The following DCC variants were observed in gnomAD, a reference collection of about 807,000 sequenced individuals.
DCC encodes netrin receptor DCC.
DCC carries 58 observed loss-of-function variants against 172.5 expected under a neutral mutation model. The ratio of observed to expected loss-of-function variants is 0.34; its 90% CI spans 0.27 to 0.42. The LOEUF is 0.42. Among genes scored for constraint, DCC ranks in the 10% least tolerant of loss-of-function variants. DCC has a pLI of 1.00. For missense variants in DCC, 1,740 were observed against 1,791.0 expected, an observed-to-expected ratio of 0.97 and a Z score of 0.51; for synonymous variants, 709 against 644.5, an observed-to-expected ratio of 1.10 and a Z score of -1.52.
At chr18:52,783,348 T>A (rs1297103676) in intron 2 of DCC, among the ~76,000 whole-genome samples, 10 of 115,378 alleles carry the variant, frequency 8.7e-5, no homozygotes, top group Non-Finnish European at 1.7e-4. Flanking sequence ...TTTTTTTTTT[T>A]TTTTTTTTTT....
At chr18:53,403,543 C>G (rs571734873) in intron 19 of DCC, among the ~76,000 whole-genome samples, 49 of 152,202 alleles carry the variant, frequency 3.2e-4, no homozygotes, top group Non-Finnish European at 1.6e-4. Flanking sequence ...TAATGGAGTT[C>G]TATCAGAGAT....
At chr18:52,792,357 T>C (rs1001707774) in intron 2 of DCC, among the ~76,000 whole-genome samples, 3 of 152,218 alleles carry the variant, frequency 2.0e-5, no homozygotes, top group African/African-American at 4.8e-5. Flanking sequence ...AGAGATGTGA[T>C]GGTCATGGAC....
chr18:52,668,553 T>C (rs1420566551), intron 1 of DCC, among the ~76,000 whole-genome samples: 1 of 152,178 alleles, frequency 6.6e-6, no homozygotes, highest in Admixed American at 6.5e-5. Flanking sequence ...AAAGAATAAA[T>C]ATCAAAATGT....
intron 2 of DCC, among the ~76,000 whole-genome samples, chr18:52,814,112 G>T (rs60347763): frequency 4.1e-4 from 62 of 152,316 alleles, no homozygotes; most frequent in African/African-American, 1.4e-3. Context: ...GGTGTACCCT[G>T]TTCTTTCATT....
chr18:52,381,872 A>G (rs1341563893), intron 1 of DCC, among the ~76,000 whole-genome samples: 2 of 152,198 alleles, frequency 1.3e-5, no homozygotes, highest in African/African-American at 4.8e-5. Context: ...AACATGACAG[A>G]ATTATATCTT....
At chr18:53,320,218 G>T (rs9963815) in intron 13 of DCC, among the ~76,000 whole-genome samples, 8 of 151,110 alleles carry the variant, frequency 5.3e-5, no homozygotes, top group Admixed American at 2.0e-4. Context: ...GACCACAGGC[G>T]CCCACCACCA....
At position 52,925,287 on chromosome 18, in the gene DCC, C is replaced by T. The variant is rs764849995; in HGVS notation, c.902C>T (p.Thr301Ile). The part of the protein sequence containing the change: ...GGSNLLISNV[T>I]DDDSGMYTCV... ...AGCAACTTGCTTATCTCCAATGTGA[C>T]AGATGATGACAGTGGAATGTATACC... The change falls in exon 5 of 29, where the codon ACA becomes ATA. Residue 301 changes from threonine (T) to isoleucine (I), a missense_variant. By Grantham distance (89) the Thr-to-Ile change is moderately conservative. Around this residue, in one of 2 missense-constraint regions of DCC, gnomAD observed 1,732 missense variants for 1,767.4 expected, o/e 0.98. Coordinates refer to ENST00000442544, the MANE Select transcript of DCC (RefSeq NM_005215.4). 1 of 1,612,038 alleles carries T rather than the reference C, an allele frequency of 6.2e-7. No individual in the cohort carries two copies. The highest frequency in any genetic ancestry group is 8.5e-7 in the Non-Finnish European group (1 of 1,178,482).
At chr18:53,381,347 G>A (rs1907717136) in intron 15 of DCC, among the ~76,000 whole-genome samples, 1 of 152,020 alleles carries the variant, frequency 6.6e-6, no homozygotes, top group East Asian at 1.9e-4. Context: ...TCTGGGTGGT[G>A]GGAACAGAAA....
chr18:52,919,980 T>A (rs2145478891), intron 3 of DCC, among the ~76,000 whole-genome samples: 1 of 150,766 alleles, frequency 6.6e-6, no homozygotes, highest in East Asian at 2.0e-4. Context: ...AAAAATCGCC[T>A]TTTCAACAAG....
intron 14 of DCC, among the ~76,000 whole-genome samples, chr18:53,329,021 A>G (rs1454475968): frequency 1.3e-5 from 2 of 152,210 alleles, no homozygotes; most frequent in African/African-American, 4.8e-5. Context: ...CATTCAGTAC[A>G]TCTTAAAAGC....
chr18:52,805,377 C>G (rs2038066859), intron 2 of DCC, among the ~76,000 whole-genome samples: 1 of 152,082 alleles, frequency 6.6e-6, no homozygotes, highest in Non-Finnish European at 1.5e-5. Flanking sequence ...GAGATGTCAA[C>G]AGGAGACCAA....
chr18:52,841,823 C>CT (rs1483221476), intron 2 of DCC, among the ~76,000 whole-genome samples: 1 of 152,142 alleles, frequency 6.6e-6, no homozygotes, highest in East Asian at 1.9e-4. Flanking sequence ...CATCCATCTT[C>CT]TTTCATCCCC....
chr18:52,862,809 A>C (rs2039164507), intron 2 of DCC, among the ~76,000 whole-genome samples: 1 of 152,182 alleles, frequency 6.6e-6, no homozygotes, highest in African/African-American at 2.4e-5. Flanking sequence ...GGAATAAAGA[A>C]AATATGAGAT....
At chr18:53,308,415 A>G (rs1349821550) in intron 13 of DCC, among the ~76,000 whole-genome samples, 1 of 152,062 alleles carries the variant, frequency 6.6e-6, no homozygotes, top group Admixed American at 6.6e-5. Flanking sequence ...CAACAGTATG[A>G]TATGTATTTT....
intron 1 of DCC, among the ~76,000 whole-genome samples, chr18:52,353,694 G>C (rs1235558138): frequency 6.6e-6 from 1 of 152,088 alleles, no homozygotes; most frequent in South Asian, 2.1e-4. Flanking sequence ...GCCTGGCAGA[G>C]AGAGCAGCTT....
chr18:52,392,218 CTT>C (rs1986055810), intron 1 of DCC, among the ~76,000 whole-genome samples: 1 of 152,064 alleles, frequency 6.6e-6, no homozygotes, highest in African/African-American at 2.4e-5. Context: ...TAGTAATTGT[CTT>C]GAGGTTCTTG....
chr18:53,304,484 G>C (rs141141571), intron 12 of DCC, among the ~76,000 whole-genome samples: 2,682 of 152,216 alleles, frequency 0.018, 37 homozygotes, highest in Middle Eastern at 0.031. Flanking sequence ...AAGAAGACAT[G>C]GGTAGCTCAT....
At chr18:52,749,400 G>T (rs1274911042) in intron 1 of DCC, among the ~76,000 whole-genome samples, 1 of 152,086 alleles carries the variant, frequency 6.6e-6, no homozygotes, top group Non-Finnish European at 1.5e-5. Flanking sequence ...TCCTGCCACT[G>T]TCACTAACAT....
intron 14 of DCC, among the ~76,000 whole-genome samples, chr18:53,325,779 G>A (rs958354810): frequency 6.6e-6 from 1 of 152,088 alleles, no homozygotes; most frequent in Non-Finnish European, 1.5e-5. Context: ...TATGGTTTAA[G>A]AATTTACCGT....
Sources: allele counts gnomAD v4.1 joint callset (sites outside exome capture counted in the v4.1 genomes callset), GRCh38; gene constraint gnomAD v4.1.1; regional missense constraint gnomAD v4.1.1; transcripts MANE v1.5; gene names NCBI Gene and HGNC (gene_info 2026-07-23, HGNC 2026-07-21).